Variants in MOXD1 observed in about 807,000 individuals in gnomAD.
MOXD1 encodes monooxygenase DBH like 1.
In MOXD1, 62 loss-of-function variants were observed where a neutral mutation model predicts 66.6. The observed-to-expected ratio is 0.93, with a 90% confidence interval of 0.76 to 1.15. MOXD1 has a LOEUF of 1.15. MOXD1 is among the 50% of genes most tolerant of loss of function. MOXD1 has a pLI of 0.00. For missense variants in MOXD1, 847 were observed against 754.6 expected, an observed-to-expected ratio of 1.12 and a Z score of -1.44; for synonymous variants, 303 against 281.9, an observed-to-expected ratio of 1.07 and a Z score of -0.75.
intron 1 of MOXD1, chr6:132,392,196 A>G (rs1244488571): frequency 6.3e-7 from 1 of 1,585,752 alleles, no homozygotes; most frequent in Middle Eastern, 1.7e-4. Context: ...TGTGATTTCA[A>G]ATCAGTTCCA....
At chr6:132,398,727 G>A (rs1323665584) in intron 1 of MOXD1, among the ~76,000 whole-genome samples, 1 of 151,820 alleles carries the variant, frequency 6.6e-6, no homozygotes, top group African/African-American at 2.4e-5. Context: ...ATCACCTGAG[G>A]TCAGGAGTTT....
chr6:132,346,424 C>CT (rs891092833), intron 4 of MOXD1, among the ~76,000 whole-genome samples: 1 of 151,800 alleles, frequency 6.6e-6, no homozygotes, highest in Non-Finnish European at 1.5e-5. Context: ...AATGGCCCAT[C>CT]TTTTTTTTCT....
chr6:132,391,566 G>A (rs1238984534), intron 1 of MOXD1: 1 of 152,074 alleles, frequency 6.6e-6, no homozygotes, highest in African/African-American at 2.4e-5. Context: ...AAAGCATTGT[G>A]AGTCATCCAT....
chr6:132,335,909 T>A (rs961743514), intron 4 of MOXD1, among the ~76,000 whole-genome samples: 7 of 152,224 alleles, frequency 4.6e-5, no homozygotes, highest in African/African-American at 1.4e-4. Context: ...TAGCTAAATA[T>A]ATGTGTGTCA....
intron 1 of MOXD1, among the ~76,000 whole-genome samples, chr6:132,383,187 T>C (rs1234929926): frequency 1.3e-5 from 2 of 152,234 alleles, no homozygotes; most frequent in South Asian, 2.1e-4. Flanking sequence ...ATAAGTGTTA[T>C]GGTGGTTTAA....
chr6:132,308,340 T>C (rs1445751947), intron 10 of MOXD1, among the ~76,000 whole-genome samples: 1 of 152,170 alleles, frequency 6.6e-6, no homozygotes, highest in Non-Finnish European at 1.5e-5. Flanking sequence ...AATCCCTGAA[T>C]AGACCAATAA....
At chr6:132,370,917 A>G (rs1325540208) in intron 4 of MOXD1, among the ~76,000 whole-genome samples, 1 of 152,150 alleles carries the variant, frequency 6.6e-6, no homozygotes, top group Non-Finnish European at 1.5e-5. Context: ...GTACCAAGCA[A>G]ATATCCTACA....
chr6:132,322,555 G>C, intron 8 of MOXD1, 124 bp downstream of exon 8: 1 of 869,134 alleles, frequency 1.2e-6, no homozygotes. Context: ...ACCCACAGTG[G>C]GTGGTGTTAA....
At chr6:132,368,674 A>G (rs951914502) in intron 4 of MOXD1, among the ~76,000 whole-genome samples, 3 of 152,082 alleles carry the variant, frequency 2.0e-5, no homozygotes, top group African/African-American at 7.2e-5. Flanking sequence ...CATGGTTAAA[A>G]TTTAAATTTT....
intron 1 of MOXD1, among the ~76,000 whole-genome samples, chr6:132,382,289 T>C (rs991024899): frequency 6.6e-6 from 1 of 152,070 alleles, no homozygotes; most frequent in Non-Finnish European, 1.5e-5. Context: ...AGGAAAAAAG[T>C]AGATGTTTTT....
chr6:132,372,501 C>T, intron 4 of MOXD1, 107 bp downstream of exon 4: 2 of 1,093,712 alleles, frequency 1.8e-6, no homozygotes, highest in Non-Finnish European at 2.6e-6. Flanking sequence ...AAAAAACTTT[C>T]AAATAATTGA....
intron 10 of MOXD1, among the ~76,000 whole-genome samples, chr6:132,302,935 A>G (rs971363633): frequency 6.6e-6 from 1 of 152,172 alleles, no homozygotes; most frequent in Non-Finnish European, 1.5e-5. Context: ...AAGTAATTCA[A>G]TAGTAAAAAG....
chr6:132,349,436 C>CATATAT (rs1306974766), intron 4 of MOXD1, among the ~76,000 whole-genome samples: 2 of 17,328 alleles, frequency 1.2e-4, no homozygotes, highest in African/African-American at 2.7e-4. Flanking sequence ...TATATATATA[C>CATATAT]ATATATATAT....
chr6:132,304,645 C>T (rs1431616722), intron 10 of MOXD1, among the ~76,000 whole-genome samples: 2 of 152,144 alleles, frequency 1.3e-5, no homozygotes, highest in African/African-American at 4.8e-5. Context: ...GCAATAAACC[C>T]ATTTAATGTA....
intron 6 of MOXD1, among the ~76,000 whole-genome samples, chr6:132,327,752 A>G (rs983373392): frequency 2.0e-5 from 3 of 152,200 alleles, no homozygotes; most frequent in African/African-American, 4.8e-5. Flanking sequence ...CCTGGTAGGT[A>G]GCATGCAAGT....
chr6:132,394,336 C>A (rs1364301488), intron 1 of MOXD1, among the ~76,000 whole-genome samples: 1 of 151,852 alleles, frequency 6.6e-6, no homozygotes, highest in African/African-American at 2.4e-5. Flanking sequence ...AAAGCAAATT[C>A]AAAAAACTGG....
rs76852130 is a variant in MOXD1 at position 132,346,591 on chromosome 6, T to C, written c.664-17997A>G. On this transcript the variant is annotated intron_variant, in intron 4 of 11. Coordinates refer to ENST00000367963, the MANE Select transcript of MOXD1 (RefSeq NM_015529.4). ...GTCTAGAATTCACTGGCCTTTTAAA[T>C]GCCTGCAAAGTAAGTTCTGTTCTAT... 2.1e-3 allele frequency among the ~76,000 whole-genome samples: 327 copies of C among 152,342 alleles called. 2 individuals are homozygous for C. Among genetic ancestry groups the C allele is most frequent in the African/African-American group, 7.6e-3 (318 of 41,582 alleles).
chr6:132,302,487 C>A lies in MOXD1; in HGVS notation c.1509-4532G>T, dbSNP rs113090656. On this transcript the variant is annotated intron_variant, in intron 10 of 11. Coordinates refer to ENST00000367963, the MANE Select transcript of MOXD1 (RefSeq NM_015529.4). ...CAAGGATAACTAAAACTTAAAAAAA[C>A]ATATTATTAACAAAACATGCGCAAA... 3.0e-3 allele frequency among the ~76,000 whole-genome samples: 437 copies of A among 145,866 alleles called. 2 individuals are homozygous for A. Among genetic ancestry groups the A allele is most frequent in the Middle Eastern group, 0.028 (8 of 290 alleles).
intron 1 of MOXD1, among the ~76,000 whole-genome samples, chr6:132,388,194 A>C (rs955590680): frequency 6.6e-6 from 1 of 151,396 alleles, no homozygotes; most frequent in Non-Finnish European, 1.5e-5. Context: ...TCTTGTATTT[A>C]TTAAGTGTTT....
Sources: gnomAD v4.1 joint callset for allele counts (sites outside exome capture counted in the v4.1 genomes callset) on GRCh38, gnomAD v4.1.1 for gene constraint, MANE v1.5 for transcripts, NCBI Gene and HGNC (gene_info 2026-07-23, HGNC 2026-07-21) for gene names.